APIP: variants seen among roughly 807,000 people sequenced by gnomAD.
APIP encodes APAF1 interacting protein.
Under a neutral mutation model 32.0 loss-of-function variants are expected in APIP, and 32 were observed. The observed-to-expected ratio is 1.00, with a 90% CI of 0.76 to 1.34. The LOEUF (loss-of-function observed/expected upper bound fraction) is 1.34. APIP is among the 40% of genes most tolerant of loss of function. The pLI is 0.00. For missense variants in APIP, 247 were observed against 298.6 expected, an observed-to-expected ratio of 0.83 and a Z score of 1.27; for synonymous variants, 92 against 94.8, an observed-to-expected ratio of 0.97 and a Z score of 0.17.
intron 1 of APIP, among the ~76,000 whole-genome samples, chr11:34,901,422 C>A (rs992840770): frequency 6.6e-6 from 1 of 151,968 alleles, no homozygotes; most frequent in African/African-American, 2.4e-5. Context: ...CTAGCTCCAG[C>A]GACTCAGACT....
At chr11:34,897,846 A>G (rs1317557389) in intron 1 of APIP, among the ~76,000 whole-genome samples, 1 of 152,064 alleles carries the variant, frequency 6.6e-6, no homozygotes, top group Non-Finnish European at 1.5e-5. Flanking sequence ...TACCTGAGTG[A>G]CATACCTGGT....
At chr11:34,892,495 T>G (rs564878490) in intron 2 of APIP, among the ~76,000 whole-genome samples, 35 of 151,636 alleles carry the variant, frequency 2.3e-4, no homozygotes, top group African/African-American at 8.0e-4. Context: ...GTGACTTTAT[T>G]AATTGTAGTC....
In APIP at chr11:34,896,767, G is replaced by A. The variant is rs1039767753; in HGVS notation, c.58-1657C>T. 4 of 1,281,054 alleles carry A rather than the reference G, an allele frequency of 3.1e-6. No individual in the cohort carries two copies. The African/African-American group carries it at 6.1e-5, about 20-fold the overall frequency. 79.4% of individuals were successfully genotyped at this position (1,281,054 alleles called of 1,614,324 possible). A position where few individuals can be genotyped will look rare whatever the true frequency, so the allele number is the denominator to read the frequency against. ...CAAAGGAAAATGAGACTACCTGGGAGAGAAGTGAGCGCCAAAGCCAGAATG... is the reference window on the plus strand; with the variant it reads ...CAAAGGAAAATGAGACTACCTGGGAAAGAAGTGAGCGCCAAAGCCAGAATG... On this transcript the variant is annotated intron_variant, in intron 1 of 6. Transcript: ENST00000395787.
intron 1 of APIP, among the ~76,000 whole-genome samples, chr11:34,904,702 C>T (rs560308156): frequency 1.3e-5 from 2 of 152,280 alleles, no homozygotes; most frequent in Admixed American, 6.5e-5. Flanking sequence ...TCTCTCTCTC[C>T]CTCCCTAAGC....
At chr11:34,911,729 T>C (rs1357697796) in intron 1 of APIP, among the ~76,000 whole-genome samples, 1 of 152,154 alleles carries the variant, frequency 6.6e-6, no homozygotes, top group East Asian at 1.9e-4. Context: ...GGGCATATGC[T>C]GGCCCTAGTA....
Position 34,883,523 on chromosome 11 carries a change from CAT to C in APIP, c.462-21_462-20del. On this transcript the variant is annotated intron_variant, in intron 5 of 6. Transcript: ENST00000395787. Reference sequence around the variant, plus strand: ...ATCATATCTGTAAGACAAAACAAGCCATTTTTTTCCATTAAAACAAATCAAGC... The same window carrying C: ...ATCATATCTGTAAGACAAAACAAGCCTTTTTTCCATTAAAACAAATCAAGC... The C allele has an allele frequency of 2.5e-6, 4 of 1,606,920 alleles. No individual in the cohort carries two copies. The highest frequency in any genetic ancestry group is 3.4e-6 in the Non-Finnish European group (4 of 1,176,450).
intron 1 of APIP, among the ~76,000 whole-genome samples, chr11:34,915,622 G>A (rs974840343): frequency 6.6e-6 from 1 of 152,168 alleles, no homozygotes; most frequent in Non-Finnish European, 1.5e-5. Context: ...CTGTTGGTTT[G>A]TGTAAATGAC....
At chr11:34,886,951 A>C (rs913229792) in intron 5 of APIP, among the ~76,000 whole-genome samples, 1 of 152,224 alleles carries the variant, frequency 6.6e-6, no homozygotes, top group African/African-American at 2.4e-5. Context: ...AAGTGACTGT[A>C]TTTTAAAGCT....
chr11:34,902,240 G>A (rs1346989758), intron 1 of APIP, among the ~76,000 whole-genome samples: 1 of 152,172 alleles, frequency 6.6e-6, no homozygotes, highest in Non-Finnish European at 1.5e-5. Flanking sequence ...AACATGGACG[G>A]TGCTGCCTCA....
intron 1 of APIP, among the ~76,000 whole-genome samples, chr11:34,906,784 C>T (rs543480495): frequency 1.1e-4 from 16 of 152,354 alleles, no homozygotes; most frequent in Non-Finnish European, 2.2e-4. Context: ...ACGCAGGCTT[C>T]AGCCCCGGGT....
Position 34,891,768 on chromosome 11 carries a change from G to A in APIP, c.159-1216C>T, listed in dbSNP as rs3751078. On this transcript the variant is annotated intron_variant, in intron 2 of 6. Coordinates refer to ENST00000395787, the MANE Select transcript of APIP (RefSeq NM_015957.4). ...ATTGTTTCCGAGTTCTGCAACATAAGGATAACATAAAGGGACATTCCTCTG... is the reference window on the plus strand; with the variant it reads ...ATTGTTTCCGAGTTCTGCAACATAAAGATAACATAAAGGGACATTCCTCTG... 6.0e-3 allele frequency among the ~76,000 whole-genome samples: 915 copies of A among 152,282 alleles called. 35 individuals carry two copies. The East Asian group carries it at 0.077, about 13-fold the overall frequency.
intron 1 of APIP, among the ~76,000 whole-genome samples, chr11:34,903,467 T>C (rs1449630653): frequency 6.6e-6 from 1 of 152,254 alleles, no homozygotes; most frequent in African/African-American, 2.4e-5. Flanking sequence ...AAGTATGCTT[T>C]TCTGGTTCTC....
chr11:34,903,063 C>A (rs1483671594), intron 1 of APIP, among the ~76,000 whole-genome samples: 1 of 152,206 alleles, frequency 6.6e-6, no homozygotes, highest in Non-Finnish European at 1.5e-5. Context: ...ACAGGGGAGC[C>A]TTTGGGCTAA....
Position 34,888,794 on chromosome 11 carries a change from T to G in APIP, c.283A>C (p.Ser95Arg), listed in dbSNP as rs755026205. The change falls in exon 4 of 7, where the codon AGC (serine) becomes CGC (arginine). Residue 95 changes from serine to arginine, a missense_variant. Ser to Arg is a moderately radical substitution (Grantham distance 110). Coordinates refer to ENST00000395787, the MANE Select transcript of APIP (RefSeq NM_015957.4). ...GPSPSKKLKK[S>R]QCTPLFMNAY... ...TTCATGAAAAGAGGAGTACACTGGC[T>G]TTTTTTTAGCTTCTTCGATGGCGAA... 6 of 1,505,776 alleles carry G rather than the reference T, an allele frequency of 4.0e-6. No homozygotes were observed. The Admixed American group carries it at 1.6e-4, about 41-fold the overall frequency. The allele number at this position is 1,505,776 out of a possible 1,614,324, so 93.3% of individuals were successfully genotyped here. A position where few individuals can be genotyped will look rare whatever the true frequency, so the allele number is the denominator to read the frequency against.
At chr11:34,896,321 C>T (rs2133912241) in intron 1 of APIP, among the ~76,000 whole-genome samples, 1 of 152,224 alleles carries the variant, frequency 6.6e-6, no homozygotes, top group South Asian at 2.1e-4. Context: ...TGGAACCAAC[C>T]CAAATACCCA....
At chr11:34,905,913 C>CCCA (rs953109619) in intron 1 of APIP, among the ~76,000 whole-genome samples, 6 of 152,272 alleles carry the variant, frequency 3.9e-5, no homozygotes, top group Admixed American at 3.9e-4. Context: ...CAGCCCTTGC[C>CCCA]ACAGGATCAT....
chr11:34,890,649 A>C, intron 2 of APIP, 97 bp from the exon 3 acceptor site: 1 of 1,267,264 alleles, frequency 7.9e-7, no homozygotes, highest in South Asian at 1.3e-5. Flanking sequence ...TTATAAATCA[A>C]GCAATACAGC....
At chr11:34,905,557 C>T (rs1419865942) in intron 1 of APIP, among the ~76,000 whole-genome samples, 1 of 152,186 alleles carries the variant, frequency 6.6e-6, no homozygotes, top group Non-Finnish European at 1.5e-5. Context: ...ATGCCTCTCT[C>T]TGCTTTAAAA....
At chr11:34,891,474 T>C (rs1008024023) in intron 2 of APIP, among the ~76,000 whole-genome samples, 3 of 152,192 alleles carry the variant, frequency 2.0e-5, no homozygotes, top group Non-Finnish European at 4.4e-5. Context: ...CTGCATGCTC[T>C]AGTTTCTGCT....
Sources: allele counts gnomAD v4.1 joint callset (sites outside exome capture counted in the v4.1 genomes callset), GRCh38; gene constraint gnomAD v4.1.1; transcripts MANE v1.5; gene names NCBI Gene and HGNC (gene_info 2026-07-23, HGNC 2026-07-21).